PCDH9: variants seen among roughly 807,000 people sequenced by gnomAD.
PCDH9 encodes the protein protocadherin 9, also known as protocadherin-9.
Under a neutral mutation model 70.6 loss-of-function variants are expected in PCDH9, and 24 were observed. The observed-to-expected ratio is 0.34, with a 90% CI of 0.25 to 0.48. The LOEUF is 0.48. Ranked by LOEUF, PCDH9 falls within the 20% of genes least tolerant of loss-of-function variation. The pLI, the probability that PCDH9 is intolerant of heterozygous loss-of-function variation, is 0.99. For missense variants in PCDH9, 1,281 were observed against 1,503.6 expected, an observed-to-expected ratio of 0.85 and a Z score of 2.45; for synonymous variants, 562 against 558.5, an observed-to-expected ratio of 1.01 and a Z score of -0.09.
chr13:66,942,809 T>G (rs559282130), intron 2 of PCDH9, among the ~76,000 whole-genome samples: 15 of 152,222 alleles, frequency 9.9e-5, no homozygotes, highest in South Asian at 8.3e-4. Flanking sequence ...ATTTAAATGA[T>G]GGAATTGTTT....
intron 3 of PCDH9, among the ~76,000 whole-genome samples, chr13:66,895,887 C>A (rs2082170586): frequency 6.6e-6 from 1 of 152,154 alleles, no homozygotes; most frequent in African/African-American, 2.4e-5. Flanking sequence ...CTTTGTGCAT[C>A]ATTTTCTACA....
chr13:66,482,374 C>T (rs1434270329), intron 4 of PCDH9, among the ~76,000 whole-genome samples: 3 of 152,162 alleles, frequency 2.0e-5, no homozygotes, highest in Admixed American at 2.0e-4. Context: ...TTAGCCACTG[C>T]TGTCTATGAG....
At chr13:66,673,317 C>T (rs1021622101) in intron 3 of PCDH9, among the ~76,000 whole-genome samples, 5 of 152,170 alleles carry the variant, frequency 3.3e-5, no homozygotes, top group African/African-American at 9.7e-5. Context: ...CACGCCTTTG[C>T]TCCTCCTTCG....
intron 2 of PCDH9, among the ~76,000 whole-genome samples, chr13:67,190,246 C>T (rs367994208): frequency 9.2e-5 from 14 of 152,060 alleles, no homozygotes; most frequent in African/African-American, 3.4e-4. Context: ...ACTATGGGTG[C>T]TATGCTTCAT....
chr13:67,127,954 C>A (rs1024784405), intron 2 of PCDH9, among the ~76,000 whole-genome samples: 1 of 152,038 alleles, frequency 6.6e-6, no homozygotes, highest in Non-Finnish European at 1.5e-5. Context: ...GTTTTGAGAT[C>A]TCTTTGGCAC....
intron 2 of PCDH9, among the ~76,000 whole-genome samples, chr13:66,988,707 T>C (rs571033970): frequency 6.6e-6 from 1 of 152,092 alleles, no homozygotes; most frequent in African/African-American, 2.4e-5. Context: ...CAGAGTTTGA[T>C]TCAATAGGGA....
At chr13:66,621,077 T>C (rs2077415856) in intron 4 of PCDH9, among the ~76,000 whole-genome samples, 1 of 152,154 alleles carries the variant, frequency 6.6e-6, no homozygotes. Context: ...TTTCTAAAAG[T>C]TTAATATAGA....
intron 2 of PCDH9, among the ~76,000 whole-genome samples, chr13:67,188,094 C>T (rs1350001388): frequency 6.6e-6 from 1 of 151,882 alleles, no homozygotes; most frequent in Admixed American, 6.6e-5. Flanking sequence ...AGTAATAAAA[C>T]CAATAAGACA....
At chr13:66,784,920 C>T (rs2139306130) in intron 3 of PCDH9, among the ~76,000 whole-genome samples, 1 of 152,100 alleles carries the variant, frequency 6.6e-6, no homozygotes, top group Non-Finnish European at 1.5e-5. Context: ...AACTAGTGAG[C>T]CTCTGTCTTA....
chr13:66,866,395 T>C (rs1309106692), intron 3 of PCDH9, among the ~76,000 whole-genome samples: 1 of 151,768 alleles, frequency 6.6e-6, no homozygotes, highest in Admixed American at 6.6e-5. Flanking sequence ...GGAAAGAGAA[T>C]GGCGGGAACC....
intron 3 of PCDH9, among the ~76,000 whole-genome samples, chr13:66,693,393 C>G (rs2078515149): frequency 6.6e-6 from 1 of 151,768 alleles, no homozygotes; most frequent in Admixed American, 6.6e-5. Flanking sequence ...TTACAGAACC[C>G]ACAGACAAAA....
chr13:66,678,334 C>T (rs535687234), intron 3 of PCDH9, among the ~76,000 whole-genome samples: 10 of 151,946 alleles, frequency 6.6e-5, no homozygotes, highest in African/African-American at 1.7e-4. Context: ...TATAAATTAA[C>T]GCAATTAATG....
chr13:66,931,498 GA>G (rs1022290935), intron 2 of PCDH9, among the ~76,000 whole-genome samples: 4 of 152,090 alleles, frequency 2.6e-5, no homozygotes, highest in Admixed American at 2.6e-4. Context: ...AAATGTAAGT[GA>G]ATGTGATTGA....
chr13:67,142,048 A>C (rs902379982), intron 2 of PCDH9, among the ~76,000 whole-genome samples: 1 of 152,052 alleles, frequency 6.6e-6, no homozygotes, highest in African/African-American at 2.4e-5. Context: ...GGTGTTGGTG[A>C]CTGCTATTTT....
chr13:66,865,270 T>C lies in PCDH9; in HGVS notation c.3138+38234A>G, dbSNP rs115277132. ...ACTCATTATGGGCATTAATGGACACTTCAGGTATGTGGACACATTTGCCTC... is the reference window on the plus strand; with the variant it reads ...ACTCATTATGGGCATTAATGGACACCTCAGGTATGTGGACACATTTGCCTC... On this transcript the variant is annotated intron_variant, in intron 3 of 4. Coordinates refer to ENST00000377865, the MANE Select transcript of PCDH9 (RefSeq NM_203487.3). Among the ~76,000 whole-genome samples the C allele has an allele frequency of 3.2e-3, 481 of 152,304 alleles. 4 individuals carry two copies. Among genetic ancestry groups the C allele is most frequent in the African/African-American group, 0.011 (438 of 41,572 alleles).
intron 4 of PCDH9, among the ~76,000 whole-genome samples, chr13:66,426,805 T>C (rs1487943371): frequency 6.6e-6 from 1 of 151,588 alleles, no homozygotes; most frequent in Non-Finnish European, 1.5e-5. Context: ...ACAATAGATA[T>C]AGATATTTTT....
At chr13:66,374,155 A>G (rs990059357) in intron 4 of PCDH9, among the ~76,000 whole-genome samples, 1 of 152,026 alleles carries the variant, frequency 6.6e-6, no homozygotes, top group Non-Finnish European at 1.5e-5. Context: ...AAAGGAGATA[A>G]TATAGACTCA....
chr13:66,727,955 G>C (rs182031651), intron 3 of PCDH9, among the ~76,000 whole-genome samples: 145 of 152,174 alleles, frequency 9.5e-4, no homozygotes, highest in African/African-American at 3.3e-3. Context: ...TTGAGAGACA[G>C]CCATTGTATT....
chr13:66,571,296 TATC>T (rs1350601250), intron 4 of PCDH9, among the ~76,000 whole-genome samples: 1 of 152,058 alleles, frequency 6.6e-6, no homozygotes, highest in Non-Finnish European at 1.5e-5. Context: ...TATCAAACAA[TATC>T]ATAATTCATC....
Sources: gnomAD v4.1 joint callset for allele counts (sites outside exome capture counted in the v4.1 genomes callset) on GRCh38, gnomAD v4.1.1 for gene constraint, MANE v1.5 for transcripts, NCBI Gene and HGNC (gene_info 2026-07-23, HGNC 2026-07-21) for gene names.